CDH2: variants seen among roughly 807,000 people sequenced by gnomAD.
The protein encoded by CDH2 is cadherin 2.
CDH2 carries 17 observed loss-of-function variants against 92.0 expected under a neutral mutation model. The observed-to-expected ratio is 0.18, with a 90% confidence interval of 0.13 to 0.28. CDH2 has a LOEUF of 0.28. Among genes scored for constraint, CDH2 ranks in the 10% least tolerant of loss-of-function variants. The probability of loss-of-function intolerance (pLI) is 1.00; values close to 1 mark genes in which losing one functional copy is unlikely to be tolerated. For missense variants in CDH2, 862 were observed against 1,133.1 expected (o/e 0.76, Z 3.44); for synonymous variants, 419 against 415.9 (o/e 1.01, Z -0.09).
At chr18:28,120,717 C>T (rs1011316658) in intron 2 of CDH2, among the ~76,000 whole-genome samples, 5 of 152,072 alleles carry the variant, frequency 3.3e-5, no homozygotes, top group African/African-American at 1.2e-4. Context: ...ACTTCATCGA[C>T]CCCATCTATC....
rs35615619 is a variant in CDH2 at position 28,161,580 on chromosome 18, GAAAA to G, written c.61-13800_61-13797del. 1.2e-4 allele frequency among the ~76,000 whole-genome samples: 6 copies of G among 49,784 alleles called. No homozygotes were observed. In the East Asian group the frequency reaches 1.8e-3, roughly 15 times the overall value. 32.7% of individuals were successfully genotyped at this position (49,784 alleles called of 152,430 possible). ...GGGTGACAGAGTGAAACCCTGTCTC[GAAAA>G]AAAAAAAAAAAAAAAAAGCAAAGCT... On this transcript the variant is annotated intron_variant, in intron 1 of 15. Transcript: ENST00000269141.
At chr18:28,005,057 T>G (rs2012876503) in intron 6 of CDH2, among the ~76,000 whole-genome samples, 1 of 152,242 alleles carries the variant, frequency 6.6e-6, no homozygotes, top group South Asian at 2.1e-4. Context: ...TAAATCTCTC[T>G]GAACACCACG....
chr18:27,960,786 T>G (rs1041844256), intron 15 of CDH2, among the ~76,000 whole-genome samples: 4 of 152,102 alleles, frequency 2.6e-5, no homozygotes, highest in African/African-American at 9.7e-5. Context: ...TAGGAAGAGA[T>G]TGTATTCTGG....
At chr18:28,073,820 A>G (rs2144173538) in intron 2 of CDH2, among the ~76,000 whole-genome samples, 1 of 152,296 alleles carries the variant, frequency 6.6e-6, no homozygotes, top group African/African-American at 2.4e-5. Flanking sequence ...CATTTACTTA[A>G]TATGCCCGAG....
intron 2 of CDH2, among the ~76,000 whole-genome samples, chr18:28,125,180 G>A (rs1215271363): frequency 1.3e-5 from 2 of 152,064 alleles, no homozygotes; most frequent in African/African-American, 4.8e-5. Flanking sequence ...ACTTCTGGTG[G>A]GAATACATTC....
At chr18:28,067,217 A>G (rs1036773193) in intron 2 of CDH2, among the ~76,000 whole-genome samples, 1 of 152,176 alleles carries the variant, frequency 6.6e-6, no homozygotes, top group Non-Finnish European at 1.5e-5. Flanking sequence ...CTTTATTCAG[A>G]TAATTCACAT....
intron 1 of CDH2, among the ~76,000 whole-genome samples, chr18:28,169,446 C>G (rs2016432665): frequency 6.6e-6 from 1 of 152,092 alleles, no homozygotes; most frequent in Non-Finnish European, 1.5e-5. Context: ...CCAGTGATTT[C>G]TGGAATAATA....
intron 2 of CDH2, among the ~76,000 whole-genome samples, chr18:28,054,463 C>T (rs1251292252): frequency 6.6e-6 from 1 of 152,154 alleles, no homozygotes; most frequent in African/African-American, 2.4e-5. Flanking sequence ...TTACCAAAGG[C>T]AAACGGGCAT....
intron 2 of CDH2, among the ~76,000 whole-genome samples, chr18:28,087,859 G>A (rs1375625292): frequency 6.6e-6 from 1 of 152,114 alleles, no homozygotes; most frequent in African/African-American, 2.4e-5. Flanking sequence ...CATGATGGGA[G>A]CCCTGGGACC....
intron 2 of CDH2, among the ~76,000 whole-genome samples, chr18:28,124,455 T>C (rs2144278489): frequency 6.6e-6 from 1 of 152,278 alleles, no homozygotes; most frequent in Middle Eastern, 3.4e-3. Flanking sequence ...TCCCAATTTC[T>C]GTTAGCACCC....
rs964911226 is a variant in CDH2, at chr18:27,940,573, T to C, written c.1152-7449A>G. ...TGTTTTATGCTCATTTGAGGAGCCATGTTTTTTCCACCCTGAGACTAATGA... is the reference window on the plus strand; with the variant it reads ...TGTTTTATGCTCATTTGAGGAGCCACGTTTTTTCCACCCTGAGACTAATGA... On this transcript the variant is annotated intron_variant, in intron 6 of 6. Coordinates refer to the CDH2 transcript ENST00000675173. Among the ~76,000 whole-genome samples the C allele has an allele frequency of 8.5e-5, 13 of 152,338 alleles. No individual in the cohort carries two copies. In the East Asian group the frequency reaches 1.9e-3, roughly 23 times the overall value.
chr18:27,940,642 T>C (rs563531389), intron 6 of CDH2, among the ~76,000 whole-genome samples: 1 of 152,300 alleles, frequency 6.6e-6, no homozygotes, highest in African/African-American at 2.4e-5. Flanking sequence ...CCTCCATTCT[T>C]CAAGGTCACT....
intron 2 of CDH2, among the ~76,000 whole-genome samples, chr18:28,114,920 C>T (rs777102654): frequency 1.3e-5 from 2 of 152,026 alleles, no homozygotes; most frequent in Non-Finnish European, 2.9e-5. Flanking sequence ...AAAAGTCTTA[C>T]AATGAATAGC....
intron 14 of CDH2, among the ~76,000 whole-genome samples, chr18:27,968,656 C>T (rs2143905589): frequency 6.6e-6 from 1 of 152,328 alleles, no homozygotes; most frequent in South Asian, 2.1e-4. Flanking sequence ...TGAAACACAA[C>T]AGTTTTGCTA....
At chr18:28,005,010 G>C (rs1419498470) in intron 6 of CDH2, among the ~76,000 whole-genome samples, 6 of 152,106 alleles carry the variant, frequency 3.9e-5, no homozygotes, top group Non-Finnish European at 7.4e-5. Context: ...AAATGCTGAG[G>C]CTTTTAAAAA....
At chr18:28,119,636 A>C (rs1404970365) in intron 2 of CDH2, among the ~76,000 whole-genome samples, 1 of 152,148 alleles carries the variant, frequency 6.6e-6, no homozygotes, top group Non-Finnish European at 1.5e-5. Flanking sequence ...ATTTATATAT[A>C]CCACCTCTAT....
intron 2 of CDH2, among the ~76,000 whole-genome samples, chr18:28,095,822 A>AAAAG (rs1555641272): frequency 5.4e-5 from 8 of 147,166 alleles, no homozygotes; most frequent in East Asian, 2.0e-4. Flanking sequence ...AAAAAAAAAA[A>AAAAG]AAAGAAAGAA....
chr18:28,055,238 G>A (rs1362252078), intron 2 of CDH2, among the ~76,000 whole-genome samples: 1 of 152,110 alleles, frequency 6.6e-6, no homozygotes, highest in Non-Finnish European at 1.5e-5. Context: ...TAACCACCAT[G>A]AGAACAGTGT....
intron 14 of CDH2, among the ~76,000 whole-genome samples, chr18:27,971,888 G>C (rs567347608): frequency 6.6e-6 from 1 of 152,248 alleles, no homozygotes; most frequent in African/African-American, 2.4e-5. Flanking sequence ...AATTTATAAA[G>C]CGATTATTTC....
Sources: allele counts gnomAD v4.1 joint callset (sites outside exome capture counted in the v4.1 genomes callset), GRCh38; gene constraint gnomAD v4.1.1; transcripts MANE v1.5; gene names NCBI Gene and HGNC (gene_info 2026-07-23, HGNC 2026-07-21).